The following LSAMP variants were observed in gnomAD, a reference collection of about 807,000 sequenced individuals.
LSAMP encodes the protein limbic system associated membrane protein.
Under a neutral mutation model 38.6 loss-of-function variants are expected in LSAMP, and 7 were observed. The ratio of observed to expected loss-of-function variants is 0.18; its 90% confidence interval spans 0.10 to 0.34. The LOEUF is 0.34. Among genes scored for constraint, LSAMP ranks in the 10% least tolerant of loss-of-function variants. The pLI is 1.00. For synonymous variants in LSAMP, 154 were observed against 166.8 expected (o/e 0.92, Z 0.59); for missense variants, 313 against 420.0 (o/e 0.75, Z 2.23).
intron 1 of LSAMP, among the ~76,000 whole-genome samples, chr3:116,117,910 G>A (rs1316659479): frequency 6.6e-6 from 1 of 151,856 alleles, no homozygotes. Flanking sequence ...CGATTGGTAT[G>A]GACTCAAGAA....
intron 1 of LSAMP, among the ~76,000 whole-genome samples, chr3:116,390,921 G>A (rs987970562): frequency 2.0e-5 from 3 of 151,972 alleles, no homozygotes; most frequent in Admixed American, 2.0e-4. Context: ...TTCCAGCGGG[G>A]TTCACTCAGA....
intron 3 of LSAMP, among the ~76,000 whole-genome samples, chr3:115,965,257 G>T (rs1379089969): frequency 1.3e-5 from 2 of 151,934 alleles, no homozygotes; most frequent in African/African-American, 2.4e-5. Context: ...TACAGAGTTG[G>T]CATTTCAGAT....
chr3:116,201,391 A>T (rs949681086), intron 1 of LSAMP, among the ~76,000 whole-genome samples: 2 of 152,110 alleles, frequency 1.3e-5, no homozygotes. Context: ...TCACCTTTGT[A>T]CCTTTAGTGT....
At chr3:115,862,438 T>C (rs1303772831) in intron 3 of LSAMP, among the ~76,000 whole-genome samples, 3 of 152,198 alleles carry the variant, frequency 2.0e-5, no homozygotes, top group Admixed American at 6.5e-5. Flanking sequence ...CACCCTTTCT[T>C]AACAGAACCT....
At chr3:116,044,320 C>A (rs1011116374) in intron 2 of LSAMP, among the ~76,000 whole-genome samples, 8 of 152,174 alleles carry the variant, frequency 5.3e-5, no homozygotes, top group African/African-American at 1.9e-4. Context: ...TTCTAACAAC[C>A]CTACCTTTCT....
chr3:116,258,786 T>C (rs1053621918), intron 1 of LSAMP, among the ~76,000 whole-genome samples: 2 of 152,114 alleles, frequency 1.3e-5, no homozygotes, highest in African/African-American at 4.8e-5. Flanking sequence ...CACATACTTC[T>C]AAAGTGACCT....
chr3:116,277,667 G>A (rs899538847), intron 1 of LSAMP, among the ~76,000 whole-genome samples: 6 of 152,176 alleles, frequency 3.9e-5, no homozygotes, highest in African/African-American at 7.2e-5. Context: ...CACTGCGCCC[G>A]GCCTGCTCTT....
At chr3:115,850,961 ATC>A (rs111466687) in intron 4 of LSAMP, among the ~76,000 whole-genome samples, 5 of 150,808 alleles carry the variant, frequency 3.3e-5, no homozygotes, top group African/African-American at 7.3e-5. Context: ...ACAAATATAA[ATC>A]TCTCTCTCTC....
At chr3:116,035,262 TATTTGTGAAAC>T (rs1941022478) in intron 2 of LSAMP, among the ~76,000 whole-genome samples, 1 of 152,204 alleles carries the variant, frequency 6.6e-6, no homozygotes, top group Admixed American at 6.5e-5. Flanking sequence ...ATGCTACTGC[TATTTGTGAAAC>T]ATGACTCCTC....
chr3:116,011,959 C>A lies in LSAMP; in HGVS notation c.514+7556G>T, dbSNP rs74371831. Among the ~76,000 whole-genome samples the A allele has an allele frequency of 8.5e-5, 13 of 152,154 alleles. 1 individual carries two copies. In the South Asian group the frequency reaches 2.7e-3, roughly 32 times the overall value. ...AAATCAGACCTACCCTGTCATCTCA[C>A]GAGGGATATTGGAATAGATAGATCT... On this transcript the variant is annotated intron_variant, in intron 3 of 6. Transcript: ENST00000490035.
intron 1 of LSAMP, among the ~76,000 whole-genome samples, chr3:116,108,024 G>A (rs1008139230): frequency 1.2e-4 from 18 of 152,268 alleles, no homozygotes; most frequent in African/African-American, 3.9e-4. Flanking sequence ...AGTGATAACA[G>A]GCTTTAATCC....
chr3:116,127,344 G>T (rs1299235431), intron 1 of LSAMP, among the ~76,000 whole-genome samples: 4 of 152,076 alleles, frequency 2.6e-5, no homozygotes, highest in Non-Finnish European at 5.9e-5. Flanking sequence ...AAAATATATG[G>T]ATATACTCTT....
intron 1 of LSAMP, among the ~76,000 whole-genome samples, chr3:116,171,331 T>C (rs745887619): frequency 6.6e-6 from 1 of 152,160 alleles, no homozygotes; most frequent in Non-Finnish European, 1.5e-5. Context: ...TAGCTAGAGA[T>C]GAGATCACAT....
At chr3:115,855,386 T>C (rs770959523) in intron 3 of LSAMP, among the ~76,000 whole-genome samples, 3 of 152,202 alleles carry the variant, frequency 2.0e-5, no homozygotes, top group Admixed American at 6.5e-5. Context: ...TAATAAAACA[T>C]ATCCTTATCA....
At chr3:116,413,902 C>CAA (rs63646861) in intron 1 of LSAMP, among the ~76,000 whole-genome samples, 73,519 of 144,288 alleles carry the variant, frequency 0.51, 21,596 homozygotes, top group East Asian at 0.78. Context: ...CAGAAAATTA[C>CAA]AAAAAAAAAA....
intron 1 of LSAMP, among the ~76,000 whole-genome samples, chr3:116,357,926 A>G (rs1270045291): frequency 1.4e-5 from 2 of 147,746 alleles, no homozygotes; most frequent in Non-Finnish European, 2.9e-5. Flanking sequence ...AAAAAAAAAA[A>G]AAAAGAGGTT....
chr3:116,405,860 G>A (rs1282014339), intron 1 of LSAMP, among the ~76,000 whole-genome samples: 2 of 152,042 alleles, frequency 1.3e-5, no homozygotes, highest in East Asian at 3.9e-4. Flanking sequence ...AGGTATGTGT[G>A]AACCATAGTG....
intron 1 of LSAMP, among the ~76,000 whole-genome samples, chr3:116,264,189 C>CCCTGGTCTCTTACTCAATTTCTAGGTGAA (rs2046866492): frequency 6.6e-6 from 1 of 152,104 alleles, no homozygotes; most frequent in Non-Finnish European, 1.5e-5. Flanking sequence ...TCTGGTATCT[C>CCCTGGTCTCTTACTCAATTTCTAGGTGAA]CCTGGTCTCT....
At chr3:115,898,976 G>T (rs1936801415) in intron 3 of LSAMP, among the ~76,000 whole-genome samples, 2 of 152,150 alleles carry the variant, frequency 1.3e-5, no homozygotes, top group Admixed American at 6.5e-5. Flanking sequence ...GCATCAACGT[G>T]TACAGCCATG....
Sources: gnomAD v4.1 joint callset for allele counts (sites outside exome capture counted in the v4.1 genomes callset) on GRCh38, gnomAD v4.1.1 for gene constraint, MANE v1.5 for transcripts, NCBI Gene and HGNC (gene_info 2026-07-23, HGNC 2026-07-21) for gene names.